ABI2: variants seen among roughly 807,000 people sequenced by gnomAD.
The protein encoded by ABI2 is abl interactor 2, also known as abelson interactor 2.
In ABI2, 25 loss-of-function variants were observed where a neutral mutation model predicts 59.2. That is an observed-to-expected ratio of 0.42 (90% CI 0.31 to 0.59). ABI2 has a LOEUF of 0.59. ABI2 is among the 20% of genes least tolerant of loss of function. ABI2 has a pLI of 0.14. For missense variants in ABI2, 545 were observed against 681.8 expected (o/e 0.80, Z 2.23); for synonymous variants, 213 against 235.5 (o/e 0.90, Z 0.87).
At chr2:203,394,676 A>G (rs756308781) in intron 5 of ABI2, 24 bp from the exon 6 acceptor site, 4 of 1,611,860 alleles carry the variant, frequency 2.5e-6, no homozygotes, top group South Asian at 1.1e-5. Context: ...TAATCATACA[A>G]TACATACGCT....
chr2:203,342,258 TC>T, intron 1 of ABI2: 1 of 449,408 alleles, frequency 2.2e-6, no homozygotes, highest in East Asian at 7.0e-5. Flanking sequence ...CAAGTCCAGT[TC>T]TGTTACCATT....
At chr2:203,409,785 G>C (rs758254229) in intron 9 of ABI2, among the ~76,000 whole-genome samples, 4 of 151,950 alleles carry the variant, frequency 2.6e-5, no homozygotes, top group Non-Finnish European at 2.9e-5. Context: ...GCATTACCTT[G>C]TTTTCATATC....
At chr2:203,409,877 GAGTGACCTGAAA>G (rs1433919956) in intron 9 of ABI2, among the ~76,000 whole-genome samples, 4 of 152,188 alleles carry the variant, frequency 2.6e-5, no homozygotes, top group Non-Finnish European at 5.9e-5. Context: ...ATTTGAGGCT[GAGTGACCTGAAA>G]ATCCAACCTC....
intron 8 of ABI2, among the ~76,000 whole-genome samples, chr2:203,400,960 C>A (rs749970755): frequency 1.3e-5 from 2 of 152,160 alleles, no homozygotes; most frequent in African/African-American, 2.4e-5. Flanking sequence ...ATCAAGCATT[C>A]ATCAAATTCC....
intron 2 of ABI2, chr2:203,375,842 T>G: frequency 1.4e-5 from 5 of 356,684 alleles, no homozygotes; most frequent in Non-Finnish European, 1.0e-5. Context: ...TGCTTGTTTA[T>G]GAAATAGATT....
chr2:203,345,125 C>T, intron 1 of ABI2, among the ~76,000 whole-genome samples: 1 of 152,210 alleles, frequency 6.6e-6, no homozygotes, highest in East Asian at 1.9e-4. Flanking sequence ...CTGCTGCTCA[C>T]TCTTTGGGTC....
intron 1 of ABI2, among the ~76,000 whole-genome samples, chr2:203,333,943 C>CTT (rs1428493426): frequency 7.0e-6 from 1 of 143,452 alleles, no homozygotes; most frequent in Non-Finnish European, 1.5e-5. Flanking sequence ...TTTTTTCTTT[C>CTT]TTTTTTTTTT....
rs182922095 is a variant in ABI2, at chr2:203,335,592, A to C, written c.117+6961A>C. On this transcript the variant is annotated intron_variant, in intron 1 of 11. Transcript: ENST00000261018. ...ATTATTTTATAAGTAGGATATAATT[A>C]CATGTAAATTTACCTTGCAAGTTTT... 9.3e-4 allele frequency among the ~76,000 whole-genome samples: 141 copies of C among 152,348 alleles called. 1 individual carries two copies. Among genetic ancestry groups the C allele is most frequent in the African/African-American group, 3.2e-3 (134 of 41,600 alleles).
chr2:203,403,786 C>T (rs1433692881), intron 9 of ABI2, among the ~76,000 whole-genome samples: 3 of 132,298 alleles, frequency 2.3e-5, no homozygotes, highest in Non-Finnish European at 4.7e-5. Flanking sequence ...GAGTCTCGCT[C>T]TGTTGCCCAG....
intron 9 of ABI2, among the ~76,000 whole-genome samples, chr2:203,408,994 G>A (rs1217213882): frequency 2.0e-5 from 3 of 149,282 alleles, no homozygotes; most frequent in African/African-American, 7.4e-5. Flanking sequence ...GCCCGCCACC[G>A]CGCCCGGCTA....
chr2:203,336,023 T>C (rs1378311200), intron 1 of ABI2, among the ~76,000 whole-genome samples: 1 of 152,236 alleles, frequency 6.6e-6, no homozygotes, highest in Non-Finnish European at 1.5e-5. Context: ...TTTTCCAGAA[T>C]GCCATATAAG....
intron 1 of ABI2, among the ~76,000 whole-genome samples, chr2:203,363,489 C>G (rs1382258162): frequency 6.6e-6 from 1 of 151,942 alleles, no homozygotes; most frequent in Non-Finnish European, 1.5e-5. Context: ...CCCTACCTCC[C>G]TATCTTTCCC....
At chr2:203,355,356 A>G (rs557718459) in intron 1 of ABI2, 1 of 201,478 alleles carries the variant, frequency 5.0e-6, no homozygotes, top group Non-Finnish European at 1.1e-5. Context: ...TAAAATAAAA[A>G]AAAAAATTAG....
chr2:203,364,993 T>C (rs1235834073), intron 1 of ABI2, among the ~76,000 whole-genome samples: 1 of 152,088 alleles, frequency 6.6e-6, no homozygotes, highest in African/African-American at 2.4e-5. Context: ...CTCAGCCTCC[T>C]AACGTTGTGG....
intron 1 of ABI2, among the ~76,000 whole-genome samples, chr2:203,348,507 G>A (rs1462241851): frequency 6.6e-6 from 1 of 152,120 alleles, no homozygotes; most frequent in Non-Finnish European, 1.5e-5. Flanking sequence ...TATGTTATAT[G>A]TCGACAAGAT....
At chr2:203,337,463 A>C (rs898708675) in intron 1 of ABI2, among the ~76,000 whole-genome samples, 1 of 152,248 alleles carries the variant, frequency 6.6e-6, no homozygotes, top group Non-Finnish European at 1.5e-5. Flanking sequence ...ACTAAAAACT[A>C]TAAGACATTT....
rs1485734838 is a variant in ABI2, at chr2:203,430,057, G to A, written c.*2705G>A. Reference sequence around the variant, plus strand: ...TATTTTATAATTTTTGTACAGTTTTGAATTCTATAGATTGTCTTGGAAGGA... The same window carrying A: ...TATTTTATAATTTTTGTACAGTTTTAAATTCTATAGATTGTCTTGGAAGGA... On this transcript the variant is annotated 3_prime_UTR_variant, in exon 12 of 12. Transcript: ENST00000261018. 6.6e-6 allele frequency: 1 copy of A among 151,974 alleles called. No homozygotes were observed. Among genetic ancestry groups the A allele is most frequent in the Non-Finnish European group, 1.5e-5 (1 of 67,984 alleles). The allele number at this position is 151,974 out of a possible 1,614,324, so 9.4% of individuals were successfully genotyped here.
At chr2:203,397,596 A>G (rs2097055744) in intron 8 of ABI2, among the ~76,000 whole-genome samples, 1 of 152,222 alleles carries the variant, frequency 6.6e-6, no homozygotes, top group Non-Finnish European at 1.5e-5. Context: ...TGTCTGCTAT[A>G]AAATGTATGT....
intron 1 of ABI2, among the ~76,000 whole-genome samples, chr2:203,361,280 G>T (rs12474416): frequency 0.21 from 32,241 of 151,934 alleles, 3,800 homozygotes; most frequent in Non-Finnish European, 0.26. Flanking sequence ...CAATTCTCGG[G>T]CTTAAATCAC....
Sources: allele counts gnomAD v4.1 joint callset (sites outside exome capture counted in the v4.1 genomes callset), GRCh38; gene constraint gnomAD v4.1.1; transcripts MANE v1.5; gene names NCBI Gene and HGNC (gene_info 2026-07-23, HGNC 2026-07-21).